The following SMG9 variants were observed in gnomAD, a reference collection of about 807,000 sequenced individuals.
SMG9 encodes the protein nonsense-mediated mRNA decay factor SMG9.
SMG9 carries 55 observed loss-of-function variants against 64.0 expected under a neutral mutation model. The ratio of observed to expected loss-of-function variants is 0.86; its 90% confidence interval spans 0.69 to 1.08. SMG9 has a LOEUF of 1.08. SMG9 is among the 50% of genes least tolerant of loss of function. The pLI is 0.00. For synonymous variants in SMG9, 244 were observed against 254.8 expected (o/e 0.96, Z 0.41); for missense variants, 554 against 681.3 (o/e 0.81, Z 2.08).
chr19:43,744,862 A>T lies in SMG9; in HGVS notation c.611T>A (p.Val204Glu), dbSNP rs778572007. The T allele has an allele frequency of 6.2e-7, 1 of 1,613,894 alleles. No individual in the cohort carries two copies. The highest frequency in any genetic ancestry group is 1.1e-5 in the South Asian group (1 of 91,060). Residue 204 changes from valine to glutamate, a missense_variant, in exon 6 of 14, where the codon GTG becomes GAG. Transcript: ENST00000270066. ...GAGGCCCAGGACACCAACCACCAACACATCAGTCTGATCCAACAGGTACTG... is the reference window on the plus strand; with the variant it reads ...GAGGCCCAGGACACCAACCACCAACTCATCAGTCTGATCCAACAGGTACTG... ...AIEYLLDQTD[V>E]LVVGVLGLQG...
intron 9 of SMG9, among the ~76,000 whole-genome samples, chr19:43,736,722 C>T (rs910933234): frequency 7.2e-5 from 11 of 152,102 alleles, no homozygotes; most frequent in Non-Finnish European, 1.0e-4. Context: ...GGCTTACATT[C>T]GAATGGGGGA....
Position 43,744,753 on chromosome 19 carries a change from C to A in SMG9, c.701+19G>T. The A allele has an allele frequency of 2.5e-6, 4 of 1,591,142 alleles. No homozygotes were observed. The highest frequency in any genetic ancestry group is 2.2e-5 in the East Asian group (1 of 44,594). ...TGGGTGCCCACCTCCCTCCTGCACC[C>A]TATCTGATAGCCCCTCACCTCTGGT... On this transcript the variant is annotated intron_variant, in intron 6 of 13. Transcript: ENST00000270066.
At chr19:43,739,455 G>A (rs1045494159) in intron 7 of SMG9, among the ~76,000 whole-genome samples, 4 of 152,152 alleles carry the variant, frequency 2.6e-5, no homozygotes, top group Non-Finnish European at 5.9e-5. Context: ...CGGGATATGC[G>A]AAGTCCAGAG....
At chr19:43,733,220 C>T (rs1968542331) in intron 12 of SMG9, 104 bp downstream of exon 12, 1 of 1,510,378 alleles carries the variant, frequency 6.6e-7, no homozygotes, top group African/African-American at 1.4e-5. Flanking sequence ...ACACTGCTCC[C>T]AAACCAGGGC....
Position 43,744,793 on chromosome 19 carries a change from T to C in SMG9, c.680A>G (p.Asn227Ser). Residue 227 changes from asparagine to serine, a missense_variant, in exon 6 of 14, where the codon AAC becomes AGC. Physicochemically the swap from Asn to Ser is conservative, Grantham distance 46. Transcript: ENST00000270066. Reference sequence around the variant, plus strand: ...TCACCTCTGGTCCTCCTCTGGAGTGTTGGCTGACAACAATGACATGACCAT... The same window carrying C: ...TCACCTCTGGTCCTCCTCTGGAGTGCTGGCTGACAACAATGACATGACCAT... Reference protein sequence around the residue: ...KSMVMSLLSANTPEEDQRTYV... With the variant: ...KSMVMSLLSASTPEEDQRTYV... 1 of 1,613,754 alleles carries C rather than the reference T, an allele frequency of 6.2e-7. No homozygotes were observed. The highest frequency in any genetic ancestry group is 8.5e-7 in the Non-Finnish European group (1 of 1,179,810).
At chr19:43,740,025 A>T in intron 7 of SMG9, 82 bp downstream of exon 7, 1 of 994,026 alleles carries the variant, frequency 1.0e-6, no homozygotes, top group Non-Finnish European at 1.6e-6. Flanking sequence ...GAATCCACGC[A>T]GGGTTCTGGC....
intron 9 of SMG9, 113 bp downstream of exon 9, chr19:43,737,484 C>T: frequency 1.1e-6 from 1 of 905,956 alleles, no homozygotes. Context: ...CTCCAACTTA[C>T]ATTTTAAAAG....
At chr19:43,737,457 T>C (rs936337149) in intron 9 of SMG9, 140 bp downstream of exon 9, 1 of 652,538 alleles carries the variant, frequency 1.5e-6, no homozygotes, top group Admixed American at 2.9e-5. Context: ...AGGGGGAGGT[T>C]AGATGGGAGT....
At position 43,747,652 on chromosome 19, in the gene SMG9, G is replaced by A. The variant is rs370003706; in HGVS notation, c.471C>T (p.Ala157=). The change falls in exon 4 of 14, where the codon GCC becomes GCT. Residue 157 remains alanine (A), a synonymous_variant. Coordinates refer to ENST00000270066, the MANE Select transcript of SMG9 (RefSeq NM_019108.4). ...YQIQNRGMGT[A]APAAMDPVVG... Reference sequence around the variant, plus strand: ...ACTCACGGTCCATGGCTGCTGGTGCGGCAGTGCCCATGCCCCGGTTCTGGA... The same window carrying A: ...ACTCACGGTCCATGGCTGCTGGTGCAGCAGTGCCCATGCCCCGGTTCTGGA... 16 of 1,613,374 alleles carry A rather than the reference G, an allele frequency of 9.9e-6. No individual in the cohort carries two copies. Among genetic ancestry groups the A allele is most frequent in the African/African-American group, 8.0e-5 (6 of 74,912 alleles).
intron 1 of SMG9, among the ~76,000 whole-genome samples, chr19:43,753,265 T>G (rs969979313): frequency 3.3e-5 from 5 of 152,244 alleles, no homozygotes; most frequent in African/African-American, 1.2e-4. Context: ...GGATGGAGAT[T>G]CTCCCCAGAA....
intron 11 of SMG9, 69 bp from the exon 12 acceptor site, chr19:43,733,521 T>G: frequency 6.2e-7 from 1 of 1,610,656 alleles, no homozygotes; most frequent in Non-Finnish European, 8.5e-7. Flanking sequence ...TTGTTGACAG[T>G]CAAAGCAGGA....
At chr19:43,737,270 C>CCCAA (rs1157228777) in intron 9 of SMG9, among the ~76,000 whole-genome samples, 2 of 100,180 alleles carry the variant, frequency 2.0e-5, no homozygotes, top group Non-Finnish European at 4.4e-5. Context: ...GAGACTCCGT[C>CCCAA]TCAATAAATA....
Position 43,735,614 on chromosome 19 carries a change from C to CAAAAA in SMG9, c.996-1124_996-1120dup, listed in dbSNP as rs889721095. Among the ~76,000 whole-genome samples the CAAAAA allele has an allele frequency of 9.8e-3, 503 of 51,418 alleles. 17 individuals carry two copies. The highest frequency in any genetic ancestry group is 0.028 in the African/African-American group (374 of 13,242). The allele number at this position is 51,418 out of a possible 152,430, so 33.7% of individuals were successfully genotyped here. On this transcript the variant is annotated intron_variant, in intron 9 of 13. Transcript: ENST00000270066. ...TGGGTAACAGAGTGAGACTCTGTCT[C>CAAAAA]AAAAAAAAAAAAAAAAAAAAAAAAA...
At chr19:43,746,460 T>G (rs976277716) in intron 5 of SMG9, among the ~76,000 whole-genome samples, 3 of 151,836 alleles carry the variant, frequency 2.0e-5, no homozygotes, top group Non-Finnish European at 4.4e-5. Flanking sequence ...AAGGGTAGGG[T>G]TTGGTTTTTT....
chr19:43,735,702 G>A (rs75184816), intron 9 of SMG9, among the ~76,000 whole-genome samples: 4,298 of 151,108 alleles, frequency 0.028, 177 homozygotes, highest in African/African-American at 0.096. Context: ...TTTACAATAG[G>A]TTAAGAGTAC....
chr19:43,752,902 TAAA>T (rs775445159), intron 1 of SMG9, among the ~76,000 whole-genome samples: 1 of 96,292 alleles, frequency 1.0e-5, no homozygotes. Flanking sequence ...AGACCCTGTC[TAAA>T]AAAAAAAAAA....
intron 5 of SMG9, among the ~76,000 whole-genome samples, chr19:43,745,886 A>G (rs1968984590): frequency 6.6e-6 from 1 of 152,194 alleles, no homozygotes. Context: ...CTGTAATCCC[A>G]GCTACTCGGA....
chr19:43,745,575 G>A (rs376355071), intron 5 of SMG9, among the ~76,000 whole-genome samples: 5 of 152,252 alleles, frequency 3.3e-5, no homozygotes, highest in Middle Eastern at 3.4e-3. Context: ...TTTTAAAAGC[G>A]AATCCTATAG....
chr19:43,740,791 CCT>C (rs1266905444), intron 6 of SMG9, among the ~76,000 whole-genome samples: 3 of 152,184 alleles, frequency 2.0e-5, no homozygotes, highest in Non-Finnish European at 2.9e-5. Flanking sequence ...AGCATCTTCC[CCT>C]GTCAGGTGAG....
Sources: allele counts gnomAD v4.1 joint callset (sites outside exome capture counted in the v4.1 genomes callset), GRCh38; gene constraint gnomAD v4.1.1; transcripts MANE v1.5; gene names NCBI Gene and HGNC (gene_info 2026-07-23, HGNC 2026-07-21).